The following P2RX5 variants were observed in gnomAD, a reference collection of about 807,000 sequenced individuals.
P2RX5 encodes P2X purinoceptor 5.
In P2RX5, 46 loss-of-function variants were observed where a neutral mutation model predicts 54.1. That is an observed-to-expected ratio of 0.85 (90% CI 0.67 to 1.09). The LOEUF (loss-of-function observed/expected upper bound fraction) is 1.09. P2RX5 is among the 50% of genes least tolerant of loss of function. P2RX5 has a pLI of 0.00. For missense variants in P2RX5, 566 were observed against 549.8 expected, an observed-to-expected ratio of 1.03 and a Z score of -0.29; for synonymous variants, 226 against 226.4, an observed-to-expected ratio of 1.00 and a Z score of 0.02.
intron 11 of P2RX5, chr17:3,676,307 C>T (rs2142994681): frequency 7.1e-6 from 7 of 985,340 alleles, no homozygotes; most frequent in Non-Finnish European, 8.4e-6. Flanking sequence ...TAAGCGCCAG[C>T]GTCAGGAGAA....
chr17:3,689,974 G>A (rs965976951), intron 6 of P2RX5, 96 bp downstream of exon 6: 67 of 1,072,344 alleles, frequency 6.2e-5, no homozygotes, highest in Non-Finnish European at 8.3e-5. Flanking sequence ...ACACACGCGC[G>A]CACACACACC....
chr17:3,705,865 G>A, the P2RX5 span, among the ~76,000 whole-genome samples: 1 of 151,618 alleles, frequency 6.6e-6, no homozygotes, highest in Non-Finnish European at 1.5e-5. Flanking sequence ...GCACAATCAT[G>A]GCTCACTGCA....
In P2RX5 at chr17:3,679,804, T is replaced by C. The variant is rs553030016; in HGVS notation, c.1065-20A>G. On this transcript the variant is annotated intron_variant, in intron 10 of 11. Coordinates refer to ENST00000225328, the MANE Select transcript of P2RX5 (RefSeq NM_002561.4). ...AGGCCCCTGGACAAGATACAAGCTG[T>C]TCACCTGGGACGGCCCTGCAGGGTG... 7 of 1,604,974 alleles carry C rather than the reference T, an allele frequency of 4.4e-6. No individual in the cohort carries two copies. Among genetic ancestry groups the C allele is most frequent in the African/African-American group, 1.3e-5 (1 of 74,934 alleles).
the P2RX5 span, among the ~76,000 whole-genome samples, chr17:3,711,367 A>ATTTTTTTTT: frequency 4.5e-5 from 4 of 88,140 alleles, no homozygotes; most frequent in Non-Finnish European, 8.2e-5. Flanking sequence ...CCCAGCACTC[A>ATTTTTTTTT]TTCTTTTTTT....
chr17:3,695,837 C>T (rs761983030), intron 1 of P2RX5, 32 bp downstream of exon 1: 3 of 1,610,842 alleles, frequency 1.9e-6, no homozygotes, highest in African/African-American at 2.7e-5. Flanking sequence ...CTGCCCCTCC[C>T]CCGCCTTCCC....
At chr17:3,715,283 A>G in the P2RX5 span, among the ~76,000 whole-genome samples, 18 of 152,204 alleles carry the variant, frequency 1.2e-4, no homozygotes, top group Middle Eastern at 3.2e-3. Context: ...GATGCTGAAG[A>G]CAGAAGGAGA....
In P2RX5 at chr17:3,679,656, G is replaced by A. The variant is rs150253374; in HGVS notation, c.1193C>T (p.Ala398Val). The A allele has an allele frequency of 4.8e-4, 778 of 1,610,700 alleles. 2 individuals are homozygous for A. In the African/African-American group the frequency reaches 8.8e-3, roughly 18 times the overall value. The change falls in exon 11 of 12, where the codon GCG becomes GTG. Residue 398 changes from alanine to valine, a missense_variant. By Grantham distance (64) the Ala-to-Val change is moderately conservative. Coordinates refer to ENST00000225328, the MANE Select transcript of P2RX5 (RefSeq NM_002561.4). ...EQQELQEPPE[A>V]KRGSSSQKGN... is the part of the protein sequence containing the mutation. ...CTTCTGACTGCTGCTTCCACGCTTC[G>A]CCTCGGGTGGCTCCTGCAGCTCCTG...
At chr17:3,706,324 G>T in the P2RX5 span, among the ~76,000 whole-genome samples, 9 of 152,156 alleles carry the variant, frequency 5.9e-5, no homozygotes, top group Non-Finnish European at 1.5e-5. Context: ...CAAACTCCTG[G>T]GTTCAAGTGA....
In P2RX5 at chr17:3,674,017, G is replaced by A. The variant is rs1409944522; in HGVS notation, c.1260-140C>T. On this transcript the variant is annotated intron_variant, in intron 11 of 11. Coordinates refer to ENST00000225328, the MANE Select transcript of P2RX5 (RefSeq NM_002561.4). ...ATGCTTCACTTCTCCCCATTTAAAAGCCAGTTTCCGGCCAGGCGCGGTGGC... is the reference window on the plus strand; with the variant it reads ...ATGCTTCACTTCTCCCCATTTAAAAACCAGTTTCCGGCCAGGCGCGGTGGC... 14 of 891,510 alleles carry A rather than the reference G, an allele frequency of 1.6e-5. 1 individual carries two copies. The highest frequency in any genetic ancestry group is 2.5e-4 in the Middle Eastern group (1 of 4,048). The allele number at this position is 891,510 out of a possible 1,614,324, so 55.2% of individuals were successfully genotyped here.
intron 6 of P2RX5, 32 bp downstream of exon 6, chr17:3,690,038 A>T: frequency 6.3e-7 from 1 of 1,598,610 alleles, no homozygotes; most frequent in Non-Finnish European, 8.6e-7. Flanking sequence ...ACCAAGGCCC[A>T]CCCGTGGCCC....
intron 8 of P2RX5, 23 bp downstream of exon 8, chr17:3,688,603 A>C: frequency 6.2e-7 from 1 of 1,613,834 alleles, no homozygotes; most frequent in Non-Finnish European, 8.5e-7. Flanking sequence ...TCAGGTCACA[A>C]GTGGGCACAA....
chr17:3,689,869 C>G (rs1204866810), intron 6 of P2RX5, among the ~76,000 whole-genome samples: 1 of 151,912 alleles, frequency 6.6e-6, no homozygotes, highest in Non-Finnish European at 1.5e-5. Context: ...CACGCACACA[C>G]GCGAACACAC....
intron 11 of P2RX5, chr17:3,675,820 G>A: frequency 3.1e-6 from 3 of 975,434 alleles, no homozygotes; most frequent in Non-Finnish European, 3.7e-6. Context: ...CAAAGTGCTG[G>A]GATTACAGGT....
upstream of P2RX5, among the ~76,000 whole-genome samples, chr17:3,700,948 GGC>G (rs2050812159): frequency 6.6e-6 from 1 of 152,160 alleles, no homozygotes; most frequent in South Asian, 2.1e-4. Context: ...CAGGGCGAAT[GGC>G]TGGTGTTCAG....
intron 10 of P2RX5, among the ~76,000 whole-genome samples, chr17:3,681,028 T>TGCGTCCTCCACCCA (rs1314826630): frequency 6.9e-6 from 1 of 145,212 alleles, no homozygotes; most frequent in Admixed American, 6.8e-5. Flanking sequence ...TCCTCCACCC[T>TGCGTCCTCCACCCA]GCGTCCTCCA....
the P2RX5 span, among the ~76,000 whole-genome samples, chr17:3,710,906 C>T: frequency 6.6e-6 from 1 of 152,046 alleles, no homozygotes; most frequent in South Asian, 2.1e-4. Context: ...CCAGCATGAA[C>T]GAGAGCGAGA....
chr17:3,718,236 T>C, the P2RX5 span: 1 of 152,224 alleles, frequency 6.6e-6, no homozygotes, highest in Non-Finnish European at 1.5e-5. Flanking sequence ...ACTAATAAGA[T>C]GTAAGAGGAT....
chr17:3,719,337 T>C, the P2RX5 span, among the ~76,000 whole-genome samples: 1 of 151,688 alleles, frequency 6.6e-6, no homozygotes, highest in Non-Finnish European at 1.5e-5. Flanking sequence ...TGCTCCTTTC[T>C]CCTCCTCCAG....
rs781120808 is a variant in P2RX5, at chr17:3,679,745, T to A, written c.1104A>T (p.Ala368=). The part of the protein sequence containing the change: ...EDSSQEAEDE[A]SGLGLSEQLT... ...GCTGCTCAGATAGCCCCAGCCCCGA[T>A]GCCTCGTCCTCGGCCTCCTGGGAAC... Residue 368 remains alanine (A), a synonymous_variant, in exon 11 of 12, where the codon GCA becomes GCT. Coordinates refer to ENST00000225328, the MANE Select transcript of P2RX5 (RefSeq NM_002561.4). The A allele has an allele frequency of 6.2e-7, 1 of 1,612,194 alleles. No individual in the cohort carries two copies. The highest frequency in any genetic ancestry group is 1.1e-5 in the South Asian group (1 of 91,092).
Sources: allele counts gnomAD v4.1 joint callset (sites outside exome capture counted in the v4.1 genomes callset), GRCh38; gene constraint gnomAD v4.1.1; transcripts MANE v1.5; gene names NCBI Gene and HGNC (gene_info 2026-07-23, HGNC 2026-07-21).